Variants in CMSS1 observed in about 807,000 individuals in gnomAD.
The protein encoded by CMSS1 is protein CMSS1.
CMSS1 carries 33 observed loss-of-function variants against 43.5 expected under a neutral mutation model. That is an observed-to-expected ratio of 0.76 (90% confidence interval 0.57 to 1.01). The LOEUF (loss-of-function observed/expected upper bound fraction) is 1.01, where lower values mean the gene tolerates loss of function less well. CMSS1 is among the 50% of genes least tolerant of loss of function. The pLI, the probability that CMSS1 is intolerant of heterozygous loss-of-function variation, is 0.00. For synonymous variants in CMSS1, 115 were observed against 117.2 expected, an observed-to-expected ratio of 0.98 and a Z score of 0.12; for missense variants, 313 against 326.4, an observed-to-expected ratio of 0.96 and a Z score of 0.32.
intron 1 of CMSS1, chr3:100,115,019 T>A (rs1379418823): frequency 1.4e-6 from 2 of 1,463,592 alleles, no homozygotes; most frequent in African/African-American, 1.4e-5. Flanking sequence ...TATTATTATT[T>A]GACATTTTGT....
At chr3:99,952,479 G>A (rs1340242964) in intron 1 of CMSS1, among the ~76,000 whole-genome samples, 1 of 152,162 alleles carries the variant, frequency 6.6e-6, no homozygotes, top group Non-Finnish European at 1.5e-5. Context: ...AAGAATTCAG[G>A]ATCTGTGTGG....
chr3:100,171,434 G>T (rs576637250), intron 6 of CMSS1, among the ~76,000 whole-genome samples: 3 of 151,840 alleles, frequency 2.0e-5, no homozygotes, highest in African/African-American at 7.3e-5. Context: ...CACAGAGAAC[G>T]AGCTGACATC....
rs199518119 is a variant in CMSS1 at position 99,849,395 on chromosome 3, C to G, written c.64+31352C>G. 183 of 1,614,214 alleles carry G rather than the reference C, an allele frequency of 1.1e-4. 1 individual carries two copies. In the African/African-American group the frequency reaches 2.1e-3, roughly 18 times the overall value. ...TTAGTGAGGTTTTCAATCTCTCTTC[C>G]TAAATCTCTGTTCCTGTTTTCTTGT... On this transcript the variant is annotated intron_variant, in intron 1 of 9. Transcript: ENST00000421999.
rs1445752694 is a variant in CMSS1 at position 100,162,291 on chromosome 3, C to T, written c.226-12C>T. The stretch of plus-strand genomic sequence containing the variant: ...ATATGTCGTCCCATTTTTCTTCTTT[C>T]TCATATCTTAGAAGAAAATTACTGA... On this transcript the variant is annotated splice_polypyrimidine_tract_variant and intron_variant, in intron 3 of 9. Transcript: ENST00000421999. 1 of 1,603,304 alleles carries T rather than the reference C, an allele frequency of 6.2e-7. No homozygotes were observed. The highest frequency in any genetic ancestry group is 8.5e-7 in the Non-Finnish European group (1 of 1,175,632).
chr3:99,876,213 T>A, intron 1 of CMSS1: 1 of 985,356 alleles, frequency 1.0e-6, no homozygotes, highest in Non-Finnish European at 1.2e-6. Flanking sequence ...GGGCGTTACG[T>A]CACTGTTCTG....
chr3:99,835,676 A>G (rs1942867490), intron 1 of CMSS1, among the ~76,000 whole-genome samples: 1 of 152,202 alleles, frequency 6.6e-6, no homozygotes, highest in Admixed American at 6.5e-5. Context: ...ATTTTAAGAA[A>G]CATTGATATA....
At position 99,817,880 on chromosome 3, in the gene CMSS1, C is replaced by G; in HGVS notation, c.-100C>G. On this transcript the variant is annotated 5_prime_UTR_variant, in exon 1 of 10. Coordinates refer to ENST00000421999, the MANE Select transcript of CMSS1 (RefSeq NM_032359.4). ...AGGCGACAGTGTCTAGCGGGAGCTC[C>G]GCGTGTAGCTACGCCGGCCGCCTGG... is the stretch of plus-strand genomic sequence containing the variant. 1 of 1,257,816 alleles carries G rather than the reference C, an allele frequency of 8.0e-7. No homozygotes were observed. The highest frequency in any genetic ancestry group is 1.8e-5 in the Admixed American group (1 of 54,824). The allele number at this position is 1,257,816 out of a possible 1,614,324, so 77.9% of individuals were successfully genotyped here.
chr3:100,051,185 C>T (rs2065365642), intron 1 of CMSS1: 1 of 152,090 alleles, frequency 6.6e-6, no homozygotes, highest in Non-Finnish European at 1.5e-5. Flanking sequence ...CAATTCTTCT[C>T]TGTGAGTCCA....
intron 1 of CMSS1, among the ~76,000 whole-genome samples, chr3:99,961,035 T>C (rs1470469753): frequency 6.6e-6 from 1 of 152,212 alleles, no homozygotes; most frequent in African/African-American, 2.4e-5. Context: ...TTCGTTAATA[T>C]TTATTGTCAC....
chr3:100,021,169 A>G (rs1186411459), intron 1 of CMSS1, among the ~76,000 whole-genome samples: 2 of 152,230 alleles, frequency 1.3e-5, no homozygotes, highest in Non-Finnish European at 2.9e-5. Flanking sequence ...CTGCTCTCAC[A>G]TAGAACACAC....
At chr3:100,125,245 A>T (rs553929752) in intron 1 of CMSS1, among the ~76,000 whole-genome samples, 1 of 152,110 alleles carries the variant, frequency 6.6e-6, no homozygotes, top group Non-Finnish European at 1.5e-5. Context: ...AACATAACTC[A>T]ATTTCTTCAG....
chr3:100,166,283 TTGTG>T lies in CMSS1; in HGVS notation c.356-44_356-41del, dbSNP rs913109024. The T allele has an allele frequency of 4.7e-5, 55 of 1,179,614 alleles. 1 individual carries two copies. The African/African-American group carries it at 6.6e-4, about 14-fold the overall frequency. 73.1% of individuals were successfully genotyped at this position (1,179,614 alleles called of 1,614,324 possible). ...ATAACTCACATATAATCTGTTTTGATTGTGTGTGTGTTTACAAAATTATCTACAA... is the reference window on the plus strand; with the variant it reads ...ATAACTCACATATAATCTGTTTTGATTGTGTGTTTACAAAATTATCTACAA... On this transcript the variant is annotated intron_variant, in intron 4 of 9. Transcript: ENST00000421999.
chr3:100,113,100 A>C (rs944842976), intron 1 of CMSS1, among the ~76,000 whole-genome samples: 1 of 152,252 alleles, frequency 6.6e-6, no homozygotes, highest in African/African-American at 2.4e-5. Context: ...CACCTCTTCT[A>C]TTCCTTCCTG....
intron 1 of CMSS1, among the ~76,000 whole-genome samples, chr3:99,943,338 CCTT>C (rs1489418000): frequency 6.6e-6 from 1 of 152,068 alleles, no homozygotes; most frequent in South Asian, 2.1e-4. Flanking sequence ...TAAGATAAAA[CCTT>C]CAATAACATT....
chr3:100,089,219 T>G (rs768919084), intron 1 of CMSS1, among the ~76,000 whole-genome samples: 3 of 152,236 alleles, frequency 2.0e-5, no homozygotes, highest in Admixed American at 6.5e-5. Context: ...CTTAAAGATA[T>G]GTAGTAATCT....
chr3:99,904,722 T>G (rs1706555173), intron 1 of CMSS1, among the ~76,000 whole-genome samples: 1 of 152,162 alleles, frequency 6.6e-6, no homozygotes, highest in South Asian at 2.1e-4. Flanking sequence ...ACCTCCTTCT[T>G]GCCTCCCACA....
At chr3:100,178,237 T>G in intron 9 of CMSS1, 68 bp from the exon 10 acceptor site, 1 of 905,090 alleles carries the variant, frequency 1.1e-6, no homozygotes, top group Non-Finnish European at 1.8e-6. Flanking sequence ...TCCTGATGGT[T>G]GAATGTATTC....
chr3:99,933,818 C>T (rs1707569532), intron 1 of CMSS1, among the ~76,000 whole-genome samples: 1 of 152,132 alleles, frequency 6.6e-6, no homozygotes, highest in African/African-American at 2.4e-5. Context: ...ACATAATGGG[C>T]ATGCATTAGG....
At chr3:100,141,621 AAAG>A (rs1351751082) in intron 1 of CMSS1, 1 of 452,108 alleles carries the variant, frequency 2.2e-6, no homozygotes, top group South Asian at 1.6e-5. Flanking sequence ...TACTTATCAA[AAAG>A]AAGATGAAGG....
Sources: allele counts gnomAD v4.1 joint callset (sites outside exome capture counted in the v4.1 genomes callset), GRCh38; gene constraint gnomAD v4.1.1; transcripts MANE v1.5; gene names NCBI Gene and HGNC (gene_info 2026-07-23, HGNC 2026-07-21).